CNTNAP5: variants seen among roughly 807,000 people sequenced by gnomAD.
CNTNAP5 encodes the protein contactin associated protein family member 5, also known as contactin-associated protein-like 5.
A neutral mutation model predicts 150.2 loss-of-function variants in CNTNAP5; 72 were observed. The observed-to-expected ratio is 0.48, with a 90% CI of 0.40 to 0.58. The LOEUF is 0.58. Among genes scored for constraint, CNTNAP5 ranks in the 20% least tolerant of loss-of-function variants. The probability of loss-of-function intolerance (pLI) is 0.00; values close to 1 mark genes in which losing one functional copy is unlikely to be tolerated. For missense variants in CNTNAP5, 1,636 were observed against 1,626.2 expected (o/e 1.01, Z -0.10); for synonymous variants, 672 against 619.8 (o/e 1.08, Z -1.25).
chr2:124,198,372 G>C (rs1487464073), intron 1 of CNTNAP5, among the ~76,000 whole-genome samples: 2 of 151,890 alleles, frequency 1.3e-5, no homozygotes, highest in African/African-American at 4.8e-5. Context: ...GTATATACAT[G>C]TACCTATATA....
intron 12 of CNTNAP5, among the ~76,000 whole-genome samples, chr2:124,620,945 GATAGAA>G (rs1677602310): frequency 6.6e-6 from 1 of 152,052 alleles, no homozygotes; most frequent in African/African-American, 2.4e-5. Flanking sequence ...CTTTGCCAGC[GATAGAA>G]ATAGAATCTT....
intron 19 of CNTNAP5, among the ~76,000 whole-genome samples, chr2:124,800,076 GAGA>G (rs932150350): frequency 6.6e-6 from 1 of 152,210 alleles, no homozygotes; most frequent in Non-Finnish European, 1.5e-5. Context: ...CTGAGGCATG[GAGA>G]AGTTCAGTAG....
chr2:124,114,707 T>C (rs1167895990), intron 1 of CNTNAP5, among the ~76,000 whole-genome samples: 1 of 151,798 alleles, frequency 6.6e-6, no homozygotes, highest in Non-Finnish European at 1.5e-5. Context: ...TTAGTAAAAA[T>C]ATTTCAAAAT....
chr2:124,285,915 A>T (rs150431550), intron 3 of CNTNAP5, among the ~76,000 whole-genome samples: 21 of 152,310 alleles, frequency 1.4e-4, no homozygotes, highest in African/African-American at 5.1e-4. Context: ...TTTCAAGGAC[A>T]TTATTGGATG....
intron 19 of CNTNAP5, among the ~76,000 whole-genome samples, chr2:124,853,737 A>G (rs1558800990): frequency 6.6e-6 from 1 of 152,058 alleles, no homozygotes; most frequent in Non-Finnish European, 1.5e-5. Context: ...GGTTTGTTGT[A>G]CAGATTATTT....
At chr2:124,510,301 C>CTATATATATATATATATATATCTATA (rs368230554) in intron 8 of CNTNAP5, among the ~76,000 whole-genome samples, 10 of 106,040 alleles carry the variant, frequency 9.4e-5, no homozygotes, top group African/African-American at 3.8e-4. Flanking sequence ...ATCTATATAT[C>CTATATATATATATATATATATCTATA]TATATATATA....
At chr2:124,519,029 A>G (rs538235352) in intron 8 of CNTNAP5, among the ~76,000 whole-genome samples, 107 of 146,778 alleles carry the variant, frequency 7.3e-4, no homozygotes, top group Non-Finnish European at 1.3e-3. Context: ...GTACTGATTC[A>G]TGCTACGTGG....
chr2:124,729,270 T>G (rs1314361104), intron 13 of CNTNAP5, among the ~76,000 whole-genome samples: 1 of 152,112 alleles, frequency 6.6e-6, no homozygotes, highest in Non-Finnish European at 1.5e-5. Flanking sequence ...ACTCTAATCT[T>G]CAAATATTTT....
At chr2:124,337,761 GT>G (rs751351328) in intron 3 of CNTNAP5, among the ~76,000 whole-genome samples, 10 of 152,060 alleles carry the variant, frequency 6.6e-5, no homozygotes, top group Non-Finnish European at 1.3e-4. Context: ...GTACCATGCT[GT>G]TTTGGTTACT....
At chr2:124,367,762 C>T (rs1008526296) in intron 3 of CNTNAP5, among the ~76,000 whole-genome samples, 4 of 152,170 alleles carry the variant, frequency 2.6e-5, no homozygotes, top group Non-Finnish European at 5.9e-5. Context: ...AGGAAAATTA[C>T]AAAATTCACA....
At chr2:124,769,453 G>A (rs987309522) in intron 16 of CNTNAP5, among the ~76,000 whole-genome samples, 1 of 151,984 alleles carries the variant, frequency 6.6e-6, no homozygotes, top group Non-Finnish European at 1.5e-5. Context: ...TAGCTGGTGA[G>A]AGAAGGCATT....
At position 124,547,736 on chromosome 2, in the gene CNTNAP5, C is replaced by T. The variant is rs959143526; in HGVS notation, c.1650-15481C>T. On this transcript the variant is annotated intron_variant, in intron 10 of 23. Coordinates refer to ENST00000682447, the MANE Select transcript of CNTNAP5 (RefSeq NM_001367498.1). Reference sequence around the variant, plus strand: ...AGATTAAAGAGTAAGGTTCTTTTCTCATAGCAGAAGCCTTAGGCTGCAGGA... The same window carrying T: ...AGATTAAAGAGTAAGGTTCTTTTCTTATAGCAGAAGCCTTAGGCTGCAGGA... Among the ~76,000 whole-genome samples, 57 of 152,232 alleles carry T rather than the reference C, an allele frequency of 3.7e-4. 1 individual carries two copies. The highest frequency in any genetic ancestry group is 3.2e-3 in the Admixed American group (49 of 15,278).
At chr2:124,585,303 G>A (rs1339292950) in intron 11 of CNTNAP5, among the ~76,000 whole-genome samples, 1 of 152,110 alleles carries the variant, frequency 6.6e-6, no homozygotes, top group Non-Finnish European at 1.5e-5. Context: ...CCTGAAAGTG[G>A]GGCACGTGTC....
chr2:124,849,256 G>C (rs1472722816), intron 19 of CNTNAP5, among the ~76,000 whole-genome samples: 3 of 151,902 alleles, frequency 2.0e-5, no homozygotes, highest in Non-Finnish European at 4.4e-5. Context: ...GTGTATTCTT[G>C]CTGTTCTTAT....
At chr2:124,328,548 T>G (rs973507534) in intron 3 of CNTNAP5, among the ~76,000 whole-genome samples, 1 of 152,210 alleles carries the variant, frequency 6.6e-6, no homozygotes, top group African/African-American at 2.4e-5. Flanking sequence ...TCACTCTATT[T>G]AAGTGCTTAT....
chr2:124,408,076 G>T (rs940210709), intron 3 of CNTNAP5, among the ~76,000 whole-genome samples: 2 of 151,124 alleles, frequency 1.3e-5, no homozygotes, highest in African/African-American at 4.9e-5. Flanking sequence ...CTTGGGAAGC[G>T]CAAGGGGTCA....
At chr2:124,899,811 C>T (rs1284321637) in intron 21 of CNTNAP5, among the ~76,000 whole-genome samples, 1 of 151,184 alleles carries the variant, frequency 6.6e-6, no homozygotes, top group African/African-American at 2.5e-5. Context: ...GTAATTTTAA[C>T]CTAAAAACAG....
intron 3 of CNTNAP5, among the ~76,000 whole-genome samples, chr2:124,346,902 C>T (rs1689749105): frequency 8.6e-6 from 1 of 116,702 alleles, no homozygotes; most frequent in Admixed American, 9.4e-5. Context: ...GAAACCTCGT[C>T]TCTATTAAAA....
intron 1 of CNTNAP5, among the ~76,000 whole-genome samples, chr2:124,181,751 C>A (rs1304623353): frequency 6.6e-6 from 1 of 152,132 alleles, no homozygotes; most frequent in South Asian, 2.1e-4. Context: ...GCATCACTGG[C>A]TAAGGTGAAG....
Sources: gnomAD v4.1 joint callset for allele counts (sites outside exome capture counted in the v4.1 genomes callset) on GRCh38, gnomAD v4.1.1 for gene constraint, MANE v1.5 for transcripts, NCBI Gene and HGNC (gene_info 2026-07-23, HGNC 2026-07-21) for gene names.